Variants in NELL1 observed in about 807,000 individuals in gnomAD.
NELL1 encodes neural EGFL like 1.
NELL1 carries 76 observed loss-of-function variants against 107.4 expected under a neutral mutation model. The ratio of observed to expected loss-of-function variants is 0.71; its 90% confidence interval spans 0.59 to 0.86. The LOEUF is 0.86. Ranked by LOEUF, NELL1 falls within the 40% of genes least tolerant of loss-of-function variation. The pLI, the probability that NELL1 is intolerant of heterozygous loss-of-function variation, is 0.00. For missense variants in NELL1, 1,024 were observed against 1,005.5 expected (o/e 1.02, Z -0.25); for synonymous variants, 353 against 341.2 (o/e 1.03, Z -0.38).
At chr11:21,330,659 T>C (rs1850254013) in intron 14 of NELL1, among the ~76,000 whole-genome samples, 1 of 152,106 alleles carries the variant, frequency 6.6e-6, no homozygotes, top group African/African-American at 2.4e-5. Flanking sequence ...GATTTTCTCT[T>C]TGTATTTTAC....
chr11:20,999,864 AT>A (rs1344937751), intron 12 of NELL1, among the ~76,000 whole-genome samples: 1 of 152,060 alleles, frequency 6.6e-6, no homozygotes, highest in Non-Finnish European at 1.5e-5. Flanking sequence ...TGTTTTCTTC[AT>A]TATGGTGTTA....
intron 12 of NELL1, among the ~76,000 whole-genome samples, chr11:21,020,042 A>G (rs1852660901): frequency 6.6e-6 from 1 of 152,136 alleles, no homozygotes; most frequent in African/African-American, 2.4e-5. Context: ...TGTGACCCAT[A>G]GGAAATTCTC....
At chr11:21,042,889 C>T (rs1853269536) in intron 12 of NELL1, among the ~76,000 whole-genome samples, 1 of 152,050 alleles carries the variant, frequency 6.6e-6, no homozygotes, top group African/African-American at 2.4e-5. Flanking sequence ...TGTGAGATTT[C>T]ATTTCATTTG....
chr11:21,575,342 T>C lies in NELL1; in HGVS notation c.*320T>C. 4.1e-6 allele frequency: 1 copy of C among 242,238 alleles called. No individual in the cohort carries two copies. Among genetic ancestry groups the C allele is most frequent in the Non-Finnish European group, 8.1e-6 (1 of 123,424 alleles). The allele number at this position is 242,238 out of a possible 1,614,324, so 15.0% of individuals were successfully genotyped here. ...CATTTAAATGATCTCATGGTAAATGTTGATGTATTTTTTGGTTTATTTTGT... is the reference window on the plus strand; with the variant it reads ...CATTTAAATGATCTCATGGTAAATGCTGATGTATTTTTTGGTTTATTTTGT... On this transcript the variant is annotated 3_prime_UTR_variant, in exon 20 of 20. Transcript: ENST00000357134.
chr11:21,086,296 A>G (rs1164932050), intron 12 of NELL1, among the ~76,000 whole-genome samples: 1 of 152,204 alleles, frequency 6.6e-6, no homozygotes, highest in Non-Finnish European at 1.5e-5. Context: ...ATTTTCAAAC[A>G]TTGAACCTAG....
chr11:20,682,950 C>A (rs1854224307), intron 2 of NELL1, among the ~76,000 whole-genome samples: 1 of 152,018 alleles, frequency 6.6e-6, no homozygotes, highest in Non-Finnish European at 1.5e-5. Flanking sequence ...TAGTTGGAGG[C>A]TAACTTTTTA....
At chr11:21,082,644 C>G (rs1287283853) in intron 12 of NELL1, among the ~76,000 whole-genome samples, 2 of 152,172 alleles carry the variant, frequency 1.3e-5, no homozygotes, top group Non-Finnish European at 2.9e-5. Context: ...TTGAAAGCCT[C>G]TAGGATCTGG....
intron 12 of NELL1, among the ~76,000 whole-genome samples, chr11:20,975,897 CAT>C (rs1277723053): frequency 3.9e-5 from 4 of 102,724 alleles, no homozygotes; most frequent in African/African-American, 1.7e-4. Flanking sequence ...ATTATATATA[CAT>C]ATATGTGTAT....
chr11:21,158,975 T>C (rs1856304004), intron 13 of NELL1, among the ~76,000 whole-genome samples: 1 of 152,184 alleles, frequency 6.6e-6, no homozygotes, highest in Non-Finnish European at 1.5e-5. Flanking sequence ...GGCCTGTTTT[T>C]CTGCTATTTA....
chr11:21,144,517 G>T (rs1426178754), intron 13 of NELL1, among the ~76,000 whole-genome samples: 2 of 152,140 alleles, frequency 1.3e-5, no homozygotes, highest in African/African-American at 4.8e-5. Flanking sequence ...GGAAGAGACA[G>T]GAGATAAAGG....
intron 15 of NELL1, among the ~76,000 whole-genome samples, chr11:21,446,530 GT>G (rs1205383663): frequency 1.3e-5 from 2 of 152,254 alleles, no homozygotes; most frequent in African/African-American, 2.4e-5. Flanking sequence ...TATAATCTAA[GT>G]TTTTTGTCAA....
At chr11:21,430,288 A>AT (rs1852933192) in intron 15 of NELL1, among the ~76,000 whole-genome samples, 2 of 152,120 alleles carry the variant, frequency 1.3e-5, no homozygotes, top group South Asian at 4.1e-4. Context: ...ATATTTTGAC[A>AT]TTTTGAATAT....
chr11:20,821,619 G>C (rs1432635226), intron 3 of NELL1, among the ~76,000 whole-genome samples: 2 of 152,122 alleles, frequency 1.3e-5, no homozygotes. Flanking sequence ...TAAAACTCAG[G>C]ATGAAGTTAG....
intron 9 of NELL1, among the ~76,000 whole-genome samples, chr11:20,934,735 C>T (rs207471689): frequency 6.6e-6 from 1 of 152,310 alleles, no homozygotes; most frequent in Non-Finnish European, 1.5e-5. Flanking sequence ...TGGCAGCAGG[C>T]ACATTTGGGA....
chr11:21,326,204 C>T (rs1439203090), intron 14 of NELL1, among the ~76,000 whole-genome samples: 1 of 148,104 alleles, frequency 6.8e-6, no homozygotes, highest in Non-Finnish European at 1.5e-5. Context: ...CCTTTTGTTA[C>T]TCATTTTTTT....
chr11:20,843,552 C>A (rs1848653675), intron 3 of NELL1, among the ~76,000 whole-genome samples: 1 of 129,372 alleles, frequency 7.7e-6, no homozygotes, highest in South Asian at 2.4e-4. Context: ...ATATCTAGCC[C>A]TTCTGTTCTA....
At chr11:21,405,777 T>G (rs1852220015) in intron 15 of NELL1, among the ~76,000 whole-genome samples, 1 of 151,942 alleles carries the variant, frequency 6.6e-6, no homozygotes, top group African/African-American at 2.4e-5. Flanking sequence ...CATCCTACAT[T>G]AATTCCTTCT....
At chr11:21,376,219 T>A (rs1851473667) in intron 15 of NELL1, among the ~76,000 whole-genome samples, 1 of 152,142 alleles carries the variant, frequency 6.6e-6, no homozygotes, top group Non-Finnish European at 1.5e-5. Context: ...GAGTTAATTT[T>A]TTGTATATGG....
At chr11:21,493,034 T>C (rs916138637) in intron 15 of NELL1, among the ~76,000 whole-genome samples, 6 of 151,906 alleles carry the variant, frequency 3.9e-5, no homozygotes, top group Middle Eastern at 3.2e-3. Context: ...CACAATAAAG[T>C]GTCATCTTAT....
Sources: allele counts gnomAD v4.1 joint callset (sites outside exome capture counted in the v4.1 genomes callset), GRCh38; gene constraint gnomAD v4.1.1; transcripts MANE v1.5; gene names NCBI Gene and HGNC (gene_info 2026-07-23, HGNC 2026-07-21).